Variants in INPP1 observed in about 807,000 individuals in gnomAD.
INPP1 encodes inositol polyphosphate-1-phosphatase, also known as inositol polyphosphate 1-phosphatase.
A neutral mutation model predicts 23.0 loss-of-function variants in INPP1; 18 were observed. The observed-to-expected ratio is 0.78, with a 90% CI of 0.54 to 1.16. The LOEUF (loss-of-function observed/expected upper bound fraction) is 1.16, where lower values mean the gene tolerates loss of function less well. Among genes scored for constraint, INPP1 ranks in the 50% most tolerant of loss-of-function variants. The pLI is 0.00. For missense variants in INPP1, 448 were observed against 482.1 expected, an observed-to-expected ratio of 0.93 and a Z score of 0.66; for synonymous variants, 164 against 176.3, an observed-to-expected ratio of 0.93 and a Z score of 0.55.
In INPP1 at chr2:190,343,739, C is replaced by G. The variant is rs573331539; in HGVS notation, c.-431C>G. 340 of 152,326 alleles carry G rather than the reference C, an allele frequency of 2.2e-3. No individual in the cohort carries two copies. The highest frequency in any genetic ancestry group is 0.018 in the South Asian group (85 of 4,842). The allele number at this position is 152,326 out of a possible 1,614,324, so 9.4% of individuals were successfully genotyped here. A position where few individuals can be genotyped will look rare whatever the true frequency, so the allele number is the denominator to read the frequency against. On this transcript the variant is annotated 5_prime_UTR_variant, in exon 1 of 7. Coordinates refer to ENST00000392329, the MANE Select transcript of INPP1 (RefSeq NM_001128928.2). The stretch of plus-strand genomic sequence containing the variant: ...CTGAGGCCAAGCTCGGATCCGGTGC[C>G]GAGCCAAGCGGGGCCGTGCGTCGCC...
rs1379768329 is a variant in INPP1, at chr2:190,368,698, A to C, written c.467-405A>C. 1.3e-5 allele frequency: 2 copies of C among 153,176 alleles called. No homozygotes were observed. The highest frequency in any genetic ancestry group is 6.5e-5 in the Admixed American group (1 of 15,330). 9.5% of individuals were successfully genotyped at this position (153,176 alleles called of 1,614,324 possible). On this transcript the variant is annotated intron_variant, in intron 5 of 6. Coordinates refer to ENST00000392329, the MANE Select transcript of INPP1 (RefSeq NM_001128928.2). The surrounding 1 kb of genome is among the most constrained non-coding windows in gnomAD (Gnocchi z 4.3). The stretch of plus-strand genomic sequence containing the variant: ...TATAGTTACCCTATTGTGCTATCAA[A>C]TAGTAGGTCTTTTTTTTTCACCCAT...
chr2:190,362,862 G>A, intron 4 of INPP1, 175 bp downstream of exon 4: 1 of 428,114 alleles, frequency 2.3e-6, no homozygotes, highest in Non-Finnish European at 4.2e-6. Context: ...TTTAACTTAA[G>A]TAGAGAGATG....
Position 190,368,005 on chromosome 2 carries a change from C to A in INPP1, c.467-1098C>A, listed in dbSNP as rs554821450. 6.1e-4 allele frequency among the ~76,000 whole-genome samples: 93 copies of A among 152,244 alleles called. No individual in the cohort carries two copies. The highest frequency in any genetic ancestry group is 2.2e-3 in the African/African-American group (90 of 41,530). On this transcript the variant is annotated intron_variant, in intron 5 of 6. Coordinates refer to ENST00000392329, the MANE Select transcript of INPP1 (RefSeq NM_001128928.2). This position sits in a 1 kb window ranked among gnomAD's most constrained non-coding sequence, Gnocchi z 4.3. Reference sequence around the variant, plus strand: ...AGGCAAACTCCTCTCTGGGCCCTTCCCATCCTACAAGTGCATTCACAGGAT... The same window carrying A: ...AGGCAAACTCCTCTCTGGGCCCTTCACATCCTACAAGTGCATTCACAGGAT...
chr2:190,355,384 C>A lies in INPP1; in HGVS notation c.-64-4655C>A, dbSNP rs1029930118. On this transcript the variant is annotated intron_variant, in intron 2 of 6. Transcript: ENST00000392329. This position sits in a 1 kb window ranked among gnomAD's most constrained non-coding sequence, Gnocchi z 5.1. Reference sequence around the variant, plus strand: ...GTACCTACATTGTTTCACCAAGATACCTGCCAGCAGGTGCCAGCTGCCACT... The same window carrying A: ...GTACCTACATTGTTTCACCAAGATAACTGCCAGCAGGTGCCAGCTGCCACT... Among the ~76,000 whole-genome samples the A allele has an allele frequency of 6.6e-6, 1 of 152,180 alleles. No homozygotes were observed. The highest frequency in any genetic ancestry group is 2.4e-5 in the African/African-American group (1 of 41,446).
Position 190,367,690 on chromosome 2 carries a change from C to T in INPP1, c.466+795C>T, listed in dbSNP as rs1689708143. Among the ~76,000 whole-genome samples the T allele has an allele frequency of 6.6e-6, 1 of 152,106 alleles. No homozygotes were observed. On this transcript the variant is annotated intron_variant, in intron 5 of 6. Transcript: ENST00000392329. The surrounding 1 kb of genome is among the most constrained non-coding windows in gnomAD (Gnocchi z 4.1). ...TCTCAGCTTCCCAAGTAGCTGGGACCCAAGTAGGTGGCAGAGTTGCATGCC... is the reference window on the plus strand; with the variant it reads ...TCTCAGCTTCCCAAGTAGCTGGGACTCAAGTAGGTGGCAGAGTTGCATGCC...
intron 4 of INPP1, among the ~76,000 whole-genome samples, chr2:190,366,393 C>G (rs1689671886): frequency 6.9e-6 from 1 of 145,808 alleles, no homozygotes; most frequent in African/African-American, 2.6e-5. Flanking sequence ...TTCACTCTCC[C>G]TGTCTGTCTC....
intron 4 of INPP1, among the ~76,000 whole-genome samples, chr2:190,366,204 GCT>G (rs1689660400): frequency 1.3e-5 from 1 of 78,246 alleles, no homozygotes; most frequent in African/African-American, 5.6e-5. Context: ...GCTCTGTCTC[GCT>G]CTCTCGCTCT....
At chr2:190,357,351 C>T (rs775763207) in intron 2 of INPP1, among the ~76,000 whole-genome samples, 2 of 152,072 alleles carry the variant, frequency 1.3e-5, no homozygotes, top group African/African-American at 2.4e-5. Flanking sequence ...TATAGAAAAG[C>T]ATAATAAAAA....
intron 1 of INPP1, among the ~76,000 whole-genome samples, chr2:190,348,567 G>A (rs1553511606): frequency 6.6e-6 from 1 of 152,036 alleles, no homozygotes; most frequent in Non-Finnish European, 1.5e-5. Flanking sequence ...CCCAGCCCTA[G>A]TAACCACCAT....
In INPP1 at chr2:190,360,202, G is replaced by A. The variant is rs374089923; in HGVS notation, c.100G>A (p.Glu34Lys). ...GGAAGCCCTCTTCCAGCTGCTGATC[G>A]AAGAAAAGAAAGAGGGAGAAAAGAA... Reference protein sequence around the residue: ...QQEALFQLLIEEKKEGEKNKK... With the variant: ...QQEALFQLLIKEKKEGEKNKK... Residue 34 changes from glutamate (E) to lysine (K), a missense_variant, in exon 3 of 7, where the codon GAA (glutamate) becomes AAA (lysine). Transcript: ENST00000392329. The A allele has an allele frequency of 9.8e-5, 158 of 1,614,088 alleles. No homozygotes were observed. Among genetic ancestry groups the A allele is most frequent in the Non-Finnish European group, 1.3e-4 (149 of 1,180,042 alleles).
chr2:190,357,050 T>A (rs1689432632), intron 2 of INPP1, among the ~76,000 whole-genome samples: 1 of 152,244 alleles, frequency 6.6e-6, no homozygotes, highest in Non-Finnish European at 1.5e-5. Flanking sequence ...TTAACGCAGC[T>A]GTTTTTCCTA....
chr2:190,363,302 G>A lies in INPP1; in HGVS notation c.265+615G>A, dbSNP rs898951245. Among the ~76,000 whole-genome samples the A allele has an allele frequency of 1.4e-4, 21 of 152,132 alleles. No homozygotes were observed. The South Asian group carries it at 2.3e-3, about 17-fold the overall frequency. ...GGCTGGAGTGCAGTGGCACAATCTC[G>A]GTTCACTGCAACCTCCACCTCCTGG... On this transcript the variant is annotated intron_variant, in intron 4 of 6. Transcript: ENST00000392329. The surrounding 1 kb of genome is among the most constrained non-coding windows in gnomAD (Gnocchi z 4.4).
rs1473900569 is a variant in INPP1, at chr2:190,343,701, G to A, written c.-469G>A. 2 of 152,098 alleles carry A rather than the reference G, an allele frequency of 1.3e-5. No homozygotes were observed. Among genetic ancestry groups the A allele is most frequent in the Non-Finnish European group, 2.9e-5 (2 of 68,022 alleles). 9.4% of individuals were successfully genotyped at this position (152,098 alleles called of 1,614,324 possible). A position where few individuals can be genotyped will look rare whatever the true frequency, so the allele number is the denominator to read the frequency against. On this transcript the variant is annotated 5_prime_UTR_variant, in exon 1 of 7. Coordinates refer to ENST00000392329, the MANE Select transcript of INPP1 (RefSeq NM_001128928.2). ...GCCGCGGTCCCGCGGGAAAGCCGGG[G>A]GCGGCGGCCTGGCTGAGGCCAAGCT...
Position 190,362,700 on chromosome 2 carries a change from A to G in INPP1, c.265+13A>G. On this transcript the variant is annotated intron_variant, in intron 4 of 6. Coordinates refer to ENST00000392329, the MANE Select transcript of INPP1 (RefSeq NM_001128928.2). ...ACTAATGACTGGGGTAAGTATAAGA[A>G]TCTTAATGTGTCTTTGTAATTTAAT... is the stretch of plus-strand genomic sequence containing the variant. 1 of 1,510,948 alleles carries G rather than the reference A, an allele frequency of 6.6e-7. No individual in the cohort carries two copies. The highest frequency in any genetic ancestry group is 9.1e-7 in the Non-Finnish European group (1 of 1,094,334). The allele number at this position is 1,510,948 out of a possible 1,614,324, so 93.6% of individuals were successfully genotyped here.
At position 190,371,424 on chromosome 2, in the gene INPP1, C is replaced by T. The variant is rs186409378; in HGVS notation, c.*22C>T. 2.0e-6 allele frequency: 3 copies of T among 1,495,278 alleles called. No individual in the cohort carries two copies. The Admixed American group carries it at 6.9e-5, about 35-fold the overall frequency. The allele number at this position is 1,495,278 out of a possible 1,614,324, so 92.6% of individuals were successfully genotyped here. ...CTAGAGGAACTCTAACCCCGGTGTA[C>T]CTGTATAAACTGAACTGTGAAACTG... On this transcript the variant is annotated 3_prime_UTR_variant, in exon 7 of 7. Coordinates refer to ENST00000392329, the MANE Select transcript of INPP1 (RefSeq NM_001128928.2). This position sits in a 1 kb window ranked among gnomAD's most constrained non-coding sequence, Gnocchi z 5.3.
At chr2:190,350,739 G>A (rs943532344) in intron 2 of INPP1, among the ~76,000 whole-genome samples, 2 of 152,116 alleles carry the variant, frequency 1.3e-5, no homozygotes, top group African/African-American at 4.8e-5. Context: ...AGAAATGTTA[G>A]GGTTAAATAA....
Position 190,360,275 on chromosome 2 carries a change from A to C in INPP1, c.173A>C (p.Gln58Pro). 6.2e-7 allele frequency: 1 copy of C among 1,614,214 alleles called. No homozygotes were observed. Among genetic ancestry groups the C allele is most frequent in the Non-Finnish European group, 8.5e-7 (1 of 1,180,020 alleles). Residue 58 changes from glutamine (Q) to proline (P), a missense_variant, in exon 3 of 7, where the codon CAG (glutamine) becomes CCG (proline). Coordinates refer to ENST00000392329, the MANE Select transcript of INPP1 (RefSeq NM_001128928.2). ...DFKTLADVLV[Q>P]EVIKQNMENK... is the part of the protein sequence containing the mutation. ...AAGACGCTGGCTGATGTACTGGTAC[A>C]GGAAGTTATAAAACAGAATATGGAG...
intron 2 of INPP1, among the ~76,000 whole-genome samples, chr2:190,353,713 T>C (rs1689365841): frequency 6.6e-6 from 1 of 152,202 alleles, no homozygotes; most frequent in Non-Finnish European, 1.5e-5. Flanking sequence ...ACACAGCTAG[T>C]TAGTAGCAGA....
In INPP1 at chr2:190,371,453, C is replaced by T. The variant is rs373745803; in HGVS notation, c.*51C>T. The T allele has an allele frequency of 1.3e-4, 175 of 1,377,000 alleles. No homozygotes were observed. The African/African-American group carries it at 1.5e-3, about 12-fold the overall frequency. The allele number at this position is 1,377,000 out of a possible 1,614,324, so 85.3% of individuals were successfully genotyped here. A position where few individuals can be genotyped will look rare whatever the true frequency, so the allele number is the denominator to read the frequency against. On this transcript the variant is annotated 3_prime_UTR_variant, in exon 7 of 7. Coordinates refer to ENST00000392329, the MANE Select transcript of INPP1 (RefSeq NM_001128928.2). The surrounding 1 kb of genome is among the most constrained non-coding windows in gnomAD (Gnocchi z 5.3). ...TATAAACTGAACTGTGAAACTGTTT[C>T]GGTTATCTCTGTCTTTTGAGGATGG...
Sources: gnomAD v4.1 joint callset for allele counts (sites outside exome capture counted in the v4.1 genomes callset) on GRCh38, gnomAD v4.1.1 for gene constraint, Gnocchi (gnomAD v3.1) non-coding constraint, MANE v1.5 for transcripts, NCBI Gene and HGNC (gene_info 2026-07-23, HGNC 2026-07-21) for gene names.